Variants in SETD5 observed in about 807,000 individuals in gnomAD.
The protein encoded by SETD5 is SET domain containing 5.
In SETD5, 44 loss-of-function variants were observed where a neutral mutation model predicts 153.3. The observed-to-expected ratio is 0.29, with a 90% CI of 0.23 to 0.37. SETD5 has a LOEUF of 0.37. Among genes scored for constraint, SETD5 ranks in the 10% least tolerant of loss-of-function variants. SETD5 has a pLI of 1.00. For synonymous variants in SETD5, 716 were observed against 645.2 expected (o/e 1.11, Z -1.66); for missense variants, 1,544 against 1,768.0 (o/e 0.87, Z 2.27).
At chr3:9,427,427 G>C (rs1377448692) in intron 2 of SETD5, among the ~76,000 whole-genome samples, 1 of 152,182 alleles carries the variant, frequency 6.6e-6, no homozygotes, top group Admixed American at 6.5e-5. Context: ...GCAGGCGCCT[G>C]TAATCCTAAC....
chr3:9,404,344 A>G (rs1323218232), intron 1 of SETD5, among the ~76,000 whole-genome samples: 1 of 152,214 alleles, frequency 6.6e-6, no homozygotes, highest in Admixed American at 6.5e-5. Flanking sequence ...ATGTGTTACT[A>G]CTTAACATTA....
At chr3:9,409,674 T>C (rs2036251489) in intron 1 of SETD5, among the ~76,000 whole-genome samples, 1 of 152,236 alleles carries the variant, frequency 6.6e-6, no homozygotes, top group Non-Finnish European at 1.5e-5. Context: ...AACCACAGTA[T>C]GGATGGTAGG....
At chr3:9,401,616 T>G (rs1014083462) in intron 1 of SETD5, among the ~76,000 whole-genome samples, 11 of 152,356 alleles carry the variant, frequency 7.2e-5, no homozygotes, top group Middle Eastern at 6.8e-3. Flanking sequence ...TAATTACTTT[T>G]GCTTTATCCT....
At chr3:9,430,025 T>C in intron 3 of SETD5, 1 of 1,122,448 alleles carries the variant, frequency 8.9e-7, no homozygotes, top group Non-Finnish European at 1.1e-6. Context: ...TTCAGACTCT[T>C]GATCCCACAG....
intron 9 of SETD5, 99 bp downstream of exon 9, chr3:9,441,840 A>G (rs935584237): frequency 2.1e-6 from 3 of 1,436,978 alleles, no homozygotes; most frequent in Non-Finnish European, 2.9e-6. Context: ...TCTTGGGAGA[A>G]AAAAATCACA....
chr3:9,442,389 A>G (rs960248973), intron 10 of SETD5, 144 bp downstream of exon 10: 13 of 656,780 alleles, frequency 2.0e-5, no homozygotes, highest in African/African-American at 1.1e-4. Context: ...AACAAAAGTA[A>G]TGGTGCTTTT....
chr3:9,415,927 T>C (rs1188995968), intron 1 of SETD5, among the ~76,000 whole-genome samples: 1 of 151,052 alleles, frequency 6.6e-6, no homozygotes, highest in African/African-American at 2.4e-5. Flanking sequence ...CAGGCTGGAG[T>C]GCAGCAGCGC....
chr3:9,450,199 T>C (rs2042459020), intron 16 of SETD5, among the ~76,000 whole-genome samples: 1 of 152,216 alleles, frequency 6.6e-6, no homozygotes, highest in African/African-American at 2.4e-5. Context: ...CTTGTATCTA[T>C]AGCACATCCT....
chr3:9,446,583 C>T (rs947219591), intron 13 of SETD5, among the ~76,000 whole-genome samples: 4 of 151,876 alleles, frequency 2.6e-5, no homozygotes, highest in Non-Finnish European at 5.9e-5. Context: ...ATCTCTGCCT[C>T]CCGGGTTCAA....
chr3:9,423,559 A>T (rs970502750), intron 1 of SETD5, among the ~76,000 whole-genome samples: 1 of 150,506 alleles, frequency 6.6e-6, no homozygotes, highest in Non-Finnish European at 1.5e-5. Context: ...TTCTTCCTTG[A>T]TTTACTTTAT....
intron 1 of SETD5, among the ~76,000 whole-genome samples, chr3:9,424,160 A>AT (rs1297790174): frequency 4.6e-5 from 7 of 152,202 alleles, no homozygotes; most frequent in Non-Finnish European, 7.3e-5. Flanking sequence ...AAAAGAAGGG[A>AT]TCCCTTGGAA....
At chr3:9,410,877 C>CTTTTTT (rs34787440) in intron 1 of SETD5, among the ~76,000 whole-genome samples, 1 of 146,112 alleles carries the variant, frequency 6.8e-6, no homozygotes, top group African/African-American at 2.5e-5. Context: ...TAAAAATTCT[C>CTTTTTT]TTTTTTTTTT....
chr3:9,446,902 T>G (rs1315030507), intron 13 of SETD5, 148 bp from the exon 14 acceptor site: 1 of 606,496 alleles, frequency 1.6e-6, no homozygotes, highest in Non-Finnish European at 2.9e-6. Flanking sequence ...AATATTTTAT[T>G]TTTAATCTTC....
At position 9,443,336 on chromosome 3, in the gene SETD5, T is replaced by C. The variant is rs2125212282; in HGVS notation, c.1106T>C (p.Ile369Thr). 6.5e-7 allele frequency: 1 copy of C among 1,549,232 alleles called. No individual in the cohort carries two copies. Among genetic ancestry groups the C allele is most frequent in the Non-Finnish European group, 8.7e-7 (1 of 1,148,156 alleles). ...CGACACATGATTGCAGATGGGATGA[T>C]TCACCTGTGCATCTATGCTGTGTCT... is the stretch of plus-strand genomic sequence containing the variant. ...EVRHMIADGM[I>T]HLCIYAVSAI... Residue 369 changes from isoleucine (I) to threonine (T), a missense_variant, in exon 11 of 23, where the codon ATT becomes ACT. Ile to Thr is a moderately conservative substitution (Grantham distance 89). Coordinates refer to ENST00000402198, the MANE Select transcript of SETD5 (RefSeq NM_001080517.3).
At chr3:9,409,935 C>T (rs2036293144) in intron 1 of SETD5, among the ~76,000 whole-genome samples, 1 of 152,124 alleles carries the variant, frequency 6.6e-6, no homozygotes. Context: ...TTTAGTGTGA[C>T]AGAACAATAT....
chr3:9,476,089 T>G lies in SETD5; in HGVS notation c.4327T>G (p.Ter1443GluextTer11). 1 of 1,611,558 alleles carries G rather than the reference T, an allele frequency of 6.2e-7. No individual in the cohort carries two copies. Among genetic ancestry groups the G allele is most frequent in the Non-Finnish European group, 8.5e-7 (1 of 1,178,282 alleles). The change falls in exon 23 of 23, where the codon TAG (stop) becomes GAG (glutamate). Residue 1443 changes from the stop codon to glutamate, a stop_lost. Transcript: ENST00000402198. Reference protein sequence around the residue: ...SGVKTQTGLS* With the variant: ...SGVKTQTGLSE ...AGTCAAGACTCAGACGGGACTTTCCTAGGGCTTCTGGATTTGGGCAAACAG... is the reference window on the plus strand; with the variant it reads ...AGTCAAGACTCAGACGGGACTTTCCGAGGGCTTCTGGATTTGGGCAAACAG...
intron 13 of SETD5, among the ~76,000 whole-genome samples, chr3:9,446,272 G>A (rs1252161509): frequency 8.5e-6 from 1 of 118,322 alleles, no homozygotes; most frequent in Non-Finnish European, 1.7e-5. Flanking sequence ...GGGCAAAAGA[G>A]CGAGACTCCA....
intron 18 of SETD5, 82 bp from the exon 19 acceptor site, chr3:9,470,377 G>C (rs1231916338): frequency 2.0e-6 from 2 of 997,816 alleles, no homozygotes; most frequent in Admixed American, 4.0e-5. Flanking sequence ...CTGTTCACCT[G>C]TGTCCCTCTC....
chr3:9,471,957 C>T (rs1393507950), intron 19 of SETD5, among the ~76,000 whole-genome samples: 1 of 151,954 alleles, frequency 6.6e-6, no homozygotes, highest in Non-Finnish European at 1.5e-5. Flanking sequence ...AATGCATATG[C>T]AAAACTGTCT....
Sources: allele counts gnomAD v4.1 joint callset (sites outside exome capture counted in the v4.1 genomes callset), GRCh38; gene constraint gnomAD v4.1.1; transcripts MANE v1.5; gene names NCBI Gene and HGNC (gene_info 2026-07-23, HGNC 2026-07-21).